The following RPTOR variants were observed in gnomAD, a reference collection of about 807,000 sequenced individuals.
RPTOR encodes the protein regulatory-associated protein of mTOR.
In RPTOR, 21 loss-of-function variants were observed where a neutral mutation model predicts 169.9. That is an observed-to-expected ratio of 0.12 (90% CI 0.09 to 0.18). The LOEUF (loss-of-function observed/expected upper bound fraction) is 0.18. RPTOR is among the 10% of genes least tolerant of loss of function. RPTOR has a pLI of 1.00. For missense variants in RPTOR, 1,133 were observed against 1,855.9 expected (o/e 0.61, Z 7.16); for synonymous variants, 732 against 753.2 (o/e 0.97, Z 0.46).
At position 80,639,903 on chromosome 17, in the gene RPTOR, T is replaced by G. The variant is rs187541013; in HGVS notation, c.266-3825T>G. The stretch of plus-strand genomic sequence containing the variant: ...AAAGAAAAAGCTGCACCCCTTCAGG[T>G]TGGCTGAATGCCAGCACTATCAATA... On this transcript the variant is annotated intron_variant, in intron 2 of 33. Transcript: ENST00000306801. Among the ~76,000 whole-genome samples, 67 of 152,338 alleles carry G rather than the reference T, an allele frequency of 4.4e-4. No homozygotes were observed. The East Asian group carries it at 0.011, about 24-fold the overall frequency.
intron 27 of RPTOR, among the ~76,000 whole-genome samples, chr17:80,948,125 C>A (rs2069125080): frequency 6.6e-6 from 1 of 152,214 alleles, no homozygotes; most frequent in South Asian, 2.1e-4. Context: ...GCGGGGGAGG[C>A]CAGCACGGCT....
In RPTOR at chr17:80,844,245, C is replaced by T. The variant is rs866366229; in HGVS notation, c.1213-2228C>T. 2.6e-5 allele frequency among the ~76,000 whole-genome samples: 4 copies of T among 152,324 alleles called. No individual in the cohort carries two copies. The highest frequency in any genetic ancestry group is 4.8e-5 in the African/African-American group (2 of 41,566). On this transcript the variant is annotated intron_variant, in intron 10 of 33. Coordinates refer to ENST00000306801, the MANE Select transcript of RPTOR (RefSeq NM_020761.3). The surrounding 1 kb of genome is among the most constrained non-coding windows in gnomAD (Gnocchi z 4.7). ...CTCCCCGTGGCTTTAGGGAGCTTCA[C>T]GGGCTTCACCGCGCACCTGCCAGGC...
At position 80,965,459 on chromosome 17, in the gene RPTOR, C is replaced by G. The variant is rs755891419; in HGVS notation, c.*1129C>G. ...CAGGAGCTGTGTGGACAGTCCCGCC[C>G]AGGAGGGGCCGCAGGGCGTGTATGA... On this transcript the variant is annotated 3_prime_UTR_variant, in exon 34 of 34. Transcript: ENST00000306801. 4 of 233,268 alleles carry G rather than the reference C, an allele frequency of 1.7e-5. No homozygotes were observed. Among genetic ancestry groups the G allele is most frequent in the Non-Finnish European group, 3.4e-5 (4 of 118,092 alleles). 14.4% of individuals were successfully genotyped at this position (233,268 alleles called of 1,614,324 possible).
In RPTOR at chr17:80,721,097, G is replaced by A. The variant is rs755747497; in HGVS notation, c.508-9463G>A. On this transcript the variant is annotated intron_variant, in intron 4 of 33. Transcript: ENST00000306801. The surrounding 1 kb of genome is among the most constrained non-coding windows in gnomAD (Gnocchi z 4.7). ...GAGGTGAGGAGGGGCTACGTCTGCC[G>A]GGTCTCCAAGCAGGAGTGAGAACCA... 8.0e-5 allele frequency among the ~76,000 whole-genome samples: 12 copies of A among 150,928 alleles called. 1 individual carries two copies. Among genetic ancestry groups the A allele is most frequent in the Non-Finnish European group, 1.3e-4 (9 of 68,018 alleles).
At chr17:80,699,268 C>T (rs2066062819) in intron 3 of RPTOR, among the ~76,000 whole-genome samples, 1 of 152,218 alleles carries the variant, frequency 6.6e-6, no homozygotes, top group African/African-American at 2.4e-5. Flanking sequence ...ACTGTGAAGG[C>T]TGATGAGTAA....
chr17:80,806,414 C>CT (rs953982740), intron 7 of RPTOR, among the ~76,000 whole-genome samples: 1 of 152,116 alleles, frequency 6.6e-6, no homozygotes, highest in African/African-American at 2.4e-5. Flanking sequence ...ACATGTATCT[C>CT]TTTTTTGGTT....
chr17:80,735,950 T>C (rs2066430105), intron 5 of RPTOR, among the ~76,000 whole-genome samples: 1 of 152,154 alleles, frequency 6.6e-6, no homozygotes, highest in Non-Finnish European at 1.5e-5. Context: ...GGTGGGCAGA[T>C]GGCTTGAGTT....
chr17:80,804,976 G>A (rs540556533), intron 7 of RPTOR: 144 of 152,398 alleles, frequency 9.4e-4, no homozygotes, highest in African/African-American at 3.2e-3. Flanking sequence ...CCTTCTGTGT[G>A]ATGCATGCCC....
intron 3 of RPTOR, among the ~76,000 whole-genome samples, chr17:80,662,235 C>G (rs1598201185): frequency 1.3e-5 from 2 of 152,332 alleles, no homozygotes; most frequent in East Asian, 1.9e-4. Context: ...CTTCTGCCTC[C>G]TATCACCAGA....
intron 24 of RPTOR, among the ~76,000 whole-genome samples, chr17:80,930,420 TCAGCTCATCCTCATCCC>T (rs2068878089): frequency 1.3e-3 from 2 of 1,546 alleles, no homozygotes; most frequent in Admixed American, 7.7e-3. Flanking sequence ...CAGCTCATCC[TCAGCTCATCCTCATCCC>T]CAGCTCATCC....
At chr17:80,647,149 T>C (rs1599632615) in intron 3 of RPTOR, among the ~76,000 whole-genome samples, 2 of 152,240 alleles carry the variant, frequency 1.3e-5, no homozygotes, top group Non-Finnish European at 2.9e-5. Flanking sequence ...CTTAGGCCCA[T>C]TGAGCCCTTT....
intron 9 of RPTOR, among the ~76,000 whole-genome samples, chr17:80,829,598 G>T (rs2143644224): frequency 6.6e-6 from 1 of 152,342 alleles, no homozygotes; most frequent in South Asian, 2.1e-4. Flanking sequence ...AGAGGCTTCA[G>T]TGAAGCCCTC....
At chr17:80,773,823 C>T (rs1279532882) in intron 6 of RPTOR, 5 of 985,258 alleles carry the variant, frequency 5.1e-6, no homozygotes, top group Non-Finnish European at 4.8e-6. Flanking sequence ...GGAAGAGGAA[C>T]GCTTGGTGCC....
chr17:80,858,021 T>G, intron 13 of RPTOR, 121 bp downstream of exon 13: 1 of 782,748 alleles, frequency 1.3e-6, no homozygotes, highest in Non-Finnish European at 2.1e-6. Context: ...GGCACCGCCG[T>G]TCCCTTCCTC....
In RPTOR at chr17:80,945,753, A is replaced by G. The variant is rs1371087333; in HGVS notation, c.3112A>G (p.Ile1038Val). The change falls in exon 26 of 34, where the codon ATC (isoleucine) becomes GTC (valine). Residue 1038 changes from isoleucine to valine, a missense_variant. Physicochemically the swap from Ile to Val is conservative, Grantham distance 29. Around this residue, in one of 9 missense-constraint regions of RPTOR, gnomAD observed 410 missense variants for 623.7 expected, o/e 0.66. Transcript: ENST00000306801. ...GAAATTCCACCCCTTCACGCCGTGC[A>G]TCGCCGTAGCCGACAAGGACAGCAT... The part of the protein sequence containing the change: ...VVKFHPFTPC[I>V]AVADKDSICF... 2 of 1,611,504 alleles carry G rather than the reference A, an allele frequency of 1.2e-6. No individual in the cohort carries two copies. Among genetic ancestry groups the G allele is most frequent in the Non-Finnish European group, 8.5e-7 (1 of 1,179,120 alleles).
At chr17:80,751,641 T>C (rs971800121) in intron 5 of RPTOR, among the ~76,000 whole-genome samples, 8 of 152,140 alleles carry the variant, frequency 5.3e-5, no homozygotes, top group Non-Finnish European at 2.9e-5. Flanking sequence ...CCCATATTCA[T>C]CGTCACTTAC....
At chr17:80,703,197 T>C (rs528345187) in intron 3 of RPTOR, among the ~76,000 whole-genome samples, 1 of 152,354 alleles carries the variant, frequency 6.6e-6, no homozygotes, top group African/African-American at 2.4e-5. Context: ...TCTGTGGAAT[T>C]AGACTCCGAA....
rs79262398 is a variant in RPTOR, at chr17:80,896,608, G to A, written c.2401+2743G>A. On this transcript the variant is annotated intron_variant, in intron 20 of 33. Transcript: ENST00000306801. ...ACGGCCGCGCCGTCACACCACAGCT[G>A]CGGGGGCAGCACCTTTGAGCCCGCT... 3.9e-3 allele frequency among the ~76,000 whole-genome samples: 587 copies of A among 151,102 alleles called. 3 individuals are homozygous for A. Among genetic ancestry groups the A allele is most frequent in the Middle Eastern group, 6.8e-3 (2 of 294 alleles).
At chr17:80,874,657 C>T (rs1472735448) in intron 13 of RPTOR, among the ~76,000 whole-genome samples, 5 of 152,020 alleles carry the variant, frequency 3.3e-5, no homozygotes, top group African/African-American at 4.8e-5. Flanking sequence ...CTCTTGTGAC[C>T]GGTAAACAGA....
Sources: gnomAD v4.1 joint callset for allele counts (sites outside exome capture counted in the v4.1 genomes callset) on GRCh38, gnomAD v4.1.1 for gene constraint, gnomAD v4.1.1 regional missense constraint, Gnocchi (gnomAD v3.1) non-coding constraint, MANE v1.5 for transcripts, NCBI Gene and HGNC (gene_info 2026-07-23, HGNC 2026-07-21) for gene names.